Variants in GATA4 observed in about 807,000 individuals in gnomAD.
GATA4 encodes GATA binding protein 4.
Under a neutral mutation model 37.9 loss-of-function variants are expected in GATA4, and 7 were observed. That is an observed-to-expected ratio of 0.18 (90% confidence interval 0.11 to 0.35). The LOEUF is 0.35. GATA4 is among the 10% of genes least tolerant of loss of function. GATA4 has a pLI of 1.00. For synonymous variants in GATA4, 372 were observed against 292.6 expected, an observed-to-expected ratio of 1.27 and a Z score of -2.77; for missense variants, 647 against 653.0, an observed-to-expected ratio of 0.99 and a Z score of 0.10.
At chr8:11,730,145 C>T (rs1801134938) in intron 2 of GATA4, among the ~76,000 whole-genome samples, 1 of 152,128 alleles carries the variant, frequency 6.6e-6, no homozygotes, top group East Asian at 1.9e-4. Flanking sequence ...AACTCATGAG[C>T]TCAAGTGATA....
At chr8:11,701,686 C>T (rs990737819), upstream of GATA4, among the ~76,000 whole-genome samples, 2 of 152,166 alleles carry the variant, frequency 1.3e-5, no homozygotes, top group African/African-American at 4.8e-5. Flanking sequence ...GAGCTGAGGC[C>T]TTGGGGAGAA....
intron 1 of GATA4, among the ~76,000 whole-genome samples, chr8:11,684,751 T>C (rs147878536): frequency 9.7e-4 from 148 of 152,360 alleles, no homozygotes; most frequent in Non-Finnish European, 1.8e-3. Flanking sequence ...ATGTTCTCCT[T>C]GTTTTTGTTT....
At chr8:11,694,225 G>A (rs1457125733) in intron 1 of GATA4, among the ~76,000 whole-genome samples, 1 of 152,208 alleles carries the variant, frequency 6.6e-6, no homozygotes, top group Non-Finnish European at 1.5e-5. Context: ...ATAAATGTTT[G>A]CTTTGTGAAT....
chr8:11,758,056 C>A (rs977678895), intron 6 of GATA4, among the ~76,000 whole-genome samples: 1 of 152,172 alleles, frequency 6.6e-6, no homozygotes, highest in Non-Finnish European at 1.5e-5. Flanking sequence ...TCCACAGGGC[C>A]ACCGGGTCAT....
At position 11,709,539 on chromosome 8, in the gene GATA4, C is replaced by T. The variant is rs1430422713; in HGVS notation, c.616+611C>T. ...ACAGGAGCCGGCACTGTGCGGGTGC[C>T]ACCCGGCCGAGCGCGTGGGCGCATC... On this transcript the variant is annotated intron_variant, in intron 2 of 6. Coordinates refer to ENST00000532059, the MANE Select transcript of GATA4 (RefSeq NM_001308093.3). This position sits in a 1 kb window ranked among gnomAD's most constrained non-coding sequence, Gnocchi z 4.3. 6.9e-6 allele frequency among the ~76,000 whole-genome samples: 1 copy of T among 145,308 alleles called. No homozygotes were observed. Among genetic ancestry groups the T allele is most frequent in the African/African-American group, 2.7e-5 (1 of 37,728 alleles).
chr8:11,694,178 C>T (rs895370855), intron 1 of GATA4, among the ~76,000 whole-genome samples: 9 of 152,162 alleles, frequency 5.9e-5, no homozygotes, highest in African/African-American at 2.2e-4. Context: ...CTTGTATCTA[C>T]AAGTTTGCAT....
chr8:11,684,632 C>T (rs1265139906), intron 1 of GATA4, among the ~76,000 whole-genome samples: 1 of 152,220 alleles, frequency 6.6e-6, no homozygotes, highest in African/African-American at 2.4e-5. Context: ...GGTCAAATTA[C>T]TTAACGCTTC....
chr8:11,711,720 C>T (rs532265953), intron 2 of GATA4, among the ~76,000 whole-genome samples: 6 of 134,752 alleles, frequency 4.5e-5, no homozygotes, highest in South Asian at 2.5e-4. Flanking sequence ...TGCACTCCAG[C>T]CTGGGTGACA....
chr8:11,694,189 G>A (rs1200737131), intron 1 of GATA4, among the ~76,000 whole-genome samples: 2 of 152,196 alleles, frequency 1.3e-5, no homozygotes, highest in African/African-American at 2.4e-5. Flanking sequence ...AAGTTTGCAT[G>A]ATGCCTGGCA....
chr8:11,683,398 G>A (rs1799040213), intron 1 of GATA4, among the ~76,000 whole-genome samples: 1 of 152,092 alleles, frequency 6.6e-6, no homozygotes, highest in South Asian at 2.1e-4. Context: ...TGACTGTTAG[G>A]AAGTAGCAGA....
intron 3 of GATA4, 90 bp from the exon 4 acceptor site, chr8:11,750,016 CCGTTA>C: frequency 4.4e-6 from 7 of 1,584,114 alleles, no homozygotes; most frequent in Middle Eastern, 1.9e-4. Flanking sequence ...GCCCTGCCTC[CCGTTA>C]GGGAGGCCCA....
rs577553075 is a variant in GATA4, at chr8:11,683,021, G to T, written c.-274+5958G>T. 8 of 976,322 alleles carry T rather than the reference G, an allele frequency of 8.2e-6. 1 individual carries two copies. In the African/African-American group the frequency reaches 1.4e-4, roughly 17 times the overall value. The allele number at this position is 976,322 out of a possible 1,614,324, so 60.5% of individuals were successfully genotyped here. A position where few individuals can be genotyped will look rare whatever the true frequency, so the allele number is the denominator to read the frequency against. On this transcript the variant is annotated intron_variant, in intron 1 of 6. Coordinates refer to the GATA4 transcript ENST00000528712. The stretch of plus-strand genomic sequence containing the variant: ...TGGGAAGAGTCTTGAGGTGGAAACA[G>T]CCTCGGTGCGCGGGGGTTTCTCGAC...
At chr8:11,680,521 C>T in intron 1 of GATA4, 2 of 985,468 alleles carry the variant, frequency 2.0e-6, no homozygotes, top group Non-Finnish European at 2.4e-6. Flanking sequence ...CAGGTCACCT[C>T]GGACGGGTGT....
At chr8:11,727,463 C>T (rs543280271) in intron 2 of GATA4, among the ~76,000 whole-genome samples, 18 of 152,220 alleles carry the variant, frequency 1.2e-4, no homozygotes, top group South Asian at 1.0e-3. Context: ...TTATGGGGAC[C>T]GCCAACTTTT....
intron 4 of GATA4, among the ~76,000 whole-genome samples, chr8:11,751,155 A>G (rs1802284137): frequency 6.6e-6 from 1 of 152,194 alleles, no homozygotes; most frequent in South Asian, 2.1e-4. Context: ...AATGATACCT[A>G]GGGAAAGTAA....
At chr8:11,750,770 T>TAAAAAAAAA (rs1195090785) in intron 4 of GATA4, among the ~76,000 whole-genome samples, 1 of 88,792 alleles carries the variant, frequency 1.1e-5, no homozygotes, top group South Asian at 4.5e-4. Context: ...TTGTCTCTAC[T>TAAAAAAAAA]AAAAAAAAAA....
upstream of GATA4, among the ~76,000 whole-genome samples, chr8:11,689,088 C>T (rs530077286): frequency 2.0e-5 from 3 of 152,280 alleles, no homozygotes; most frequent in East Asian, 3.9e-4. Context: ...AGCGACTTTG[C>T]TCTTAGCTGC....
At chr8:11,682,391 G>T (rs1425059320) in intron 1 of GATA4, among the ~76,000 whole-genome samples, 3 of 152,244 alleles carry the variant, frequency 2.0e-5, no homozygotes, top group African/African-American at 7.2e-5. Flanking sequence ...AATAATGATA[G>T]AACAATTCGT....
chr8:11,725,507 C>A (rs1800877438), intron 2 of GATA4, among the ~76,000 whole-genome samples: 1 of 152,230 alleles, frequency 6.6e-6, no homozygotes, highest in East Asian at 1.9e-4. Context: ...GAACCGAAGG[C>A]CTCTTTTTGC....
Sources: gnomAD v4.1 joint callset for allele counts (sites outside exome capture counted in the v4.1 genomes callset) on GRCh38, gnomAD v4.1.1 for gene constraint, Gnocchi (gnomAD v3.1) non-coding constraint, MANE v1.5 for transcripts, NCBI Gene and HGNC (gene_info 2026-07-23, HGNC 2026-07-21) for gene names.